CNTNAP2: variants seen among roughly 807,000 people sequenced by gnomAD.
CNTNAP2 encodes contactin associated protein 2, also known as contactin-associated protein-like 2.
Under a neutral mutation model 155.2 loss-of-function variants are expected in CNTNAP2, and 98 were observed. The observed-to-expected ratio is 0.63, with a 90% CI of 0.54 to 0.75. CNTNAP2 has a LOEUF of 0.75. CNTNAP2 is among the 30% of genes least tolerant of loss of function. CNTNAP2 has a pLI of 0.00. For missense variants in CNTNAP2, 1,727 were observed against 1,688.1 expected (o/e 1.02, Z -0.40); for synonymous variants, 651 against 631.2 (o/e 1.03, Z -0.47).
chr7:146,828,739 CA>C (rs1410324653), intron 2 of CNTNAP2, among the ~76,000 whole-genome samples: 2 of 152,076 alleles, frequency 1.3e-5, no homozygotes, highest in Non-Finnish European at 2.9e-5. Context: ...AGTGAGCTTT[CA>C]AATTACAGGT....
chr7:147,456,651 A>G (rs1008939180), intron 10 of CNTNAP2, among the ~76,000 whole-genome samples: 4 of 152,136 alleles, frequency 2.6e-5, no homozygotes, highest in African/African-American at 9.7e-5. Flanking sequence ...TGTTGCTGTG[A>G]AGCAGTACTT....
At chr7:147,407,506 A>G (rs1160042557) in intron 10 of CNTNAP2, among the ~76,000 whole-genome samples, 2 of 131,026 alleles carry the variant, frequency 1.5e-5, no homozygotes, top group Non-Finnish European at 3.3e-5. Flanking sequence ...AAAAAAAAAG[A>G]AATACCATAC....
At chr7:147,275,172 AT>A (rs1044002246) in intron 8 of CNTNAP2, among the ~76,000 whole-genome samples, 12 of 151,432 alleles carry the variant, frequency 7.9e-5, no homozygotes, top group Middle Eastern at 3.4e-3. Context: ...GAAATTTAGA[AT>A]TTTTTTTTCT....
At chr7:147,906,892 T>A (rs553695973) in intron 14 of CNTNAP2, among the ~76,000 whole-genome samples, 1 of 152,178 alleles carries the variant, frequency 6.6e-6, no homozygotes, top group Non-Finnish European at 1.5e-5. Flanking sequence ...CAAGCTTCAA[T>A]TGAGTTCTAA....
intron 3 of CNTNAP2, among the ~76,000 whole-genome samples, chr7:146,924,632 T>C (rs115254576): frequency 0.018 from 2,771 of 152,204 alleles, 73 homozygotes; most frequent in African/African-American, 0.062. Flanking sequence ...AATAGAGTAA[T>C]AGTGAGATAA....
chr7:146,242,332 G>T (rs1799575597), intron 1 of CNTNAP2, among the ~76,000 whole-genome samples: 1 of 152,126 alleles, frequency 6.6e-6, no homozygotes, highest in Non-Finnish European at 1.5e-5. Flanking sequence ...GAGGTCAGGA[G>T]TTCTAGACCA....
At chr7:146,701,877 G>A (rs1279287904) in intron 1 of CNTNAP2, among the ~76,000 whole-genome samples, 1 of 152,074 alleles carries the variant, frequency 6.6e-6, no homozygotes, top group African/African-American at 2.4e-5. Flanking sequence ...AACTTCTGTG[G>A]ACAAAACATA....
At chr7:148,019,544 C>T (rs1226472253) in intron 15 of CNTNAP2, among the ~76,000 whole-genome samples, 3 of 152,134 alleles carry the variant, frequency 2.0e-5, no homozygotes, top group African/African-American at 7.2e-5. Flanking sequence ...AATGCAACCA[C>T]CCCCCAGGTC....
chr7:146,491,493 T>C (rs1584949417), intron 1 of CNTNAP2, among the ~76,000 whole-genome samples: 1 of 152,286 alleles, frequency 6.6e-6, no homozygotes, highest in African/African-American at 2.4e-5. Flanking sequence ...TAGGGCGTTT[T>C]GGAATTATTA....
intron 15 of CNTNAP2, among the ~76,000 whole-genome samples, chr7:147,998,684 C>T (rs1386790600): frequency 6.6e-6 from 1 of 151,800 alleles, no homozygotes; most frequent in Non-Finnish European, 1.5e-5. Flanking sequence ...CGTAAAGAAG[C>T]AAAAGTTTCC....
intron 8 of CNTNAP2, among the ~76,000 whole-genome samples, chr7:147,188,400 A>G (rs960272484): frequency 1.2e-4 from 19 of 152,192 alleles, no homozygotes; most frequent in African/African-American, 4.6e-4. Flanking sequence ...TACACGCATG[A>G]TATTTTGTGG....
At position 147,900,678 on chromosome 7, in the gene CNTNAP2, G is replaced by A. The variant is rs932535286; in HGVS notation, c.2099-2887G>A. 2.0e-5 allele frequency among the ~76,000 whole-genome samples: 3 copies of A among 152,046 alleles called. No individual in the cohort carries two copies. The East Asian group carries it at 5.8e-4, about 29-fold the overall frequency. ...GTCTCCCAAGCTAGGGTACAGTGGT[G>A]CAATCTCTGCTCACTGCAACTTGCA... On this transcript the variant is annotated intron_variant, in intron 13 of 23. Coordinates refer to ENST00000361727, the MANE Select transcript of CNTNAP2 (RefSeq NM_014141.6).
At chr7:147,503,977 A>G (rs1030441318) in intron 11 of CNTNAP2, among the ~76,000 whole-genome samples, 11 of 152,192 alleles carry the variant, frequency 7.2e-5, no homozygotes, top group African/African-American at 2.7e-4. Context: ...TGTAAGGAAG[A>G]TATTTTATTT....
At chr7:147,720,429 G>A (rs772047520) in intron 13 of CNTNAP2, among the ~76,000 whole-genome samples, 22 of 152,108 alleles carry the variant, frequency 1.4e-4, no homozygotes, top group Non-Finnish European at 2.2e-4. Flanking sequence ...GTGGGATCAC[G>A]TTAAACAAAA....
intron 1 of CNTNAP2, among the ~76,000 whole-genome samples, chr7:146,120,986 G>GT (rs891856691): frequency 6.6e-6 from 1 of 151,724 alleles, no homozygotes; most frequent in Non-Finnish European, 1.5e-5. Flanking sequence ...GATGATATAT[G>GT]TTTTTTGTCT....
intron 1 of CNTNAP2, among the ~76,000 whole-genome samples, chr7:146,433,613 G>GA (rs1311645671): frequency 6.6e-6 from 1 of 152,138 alleles, no homozygotes; most frequent in Non-Finnish European, 1.5e-5. Flanking sequence ...CATAGTGGAG[G>GA]AATGTGGAAG....
chr7:147,294,028 G>A (rs1016119263), intron 8 of CNTNAP2, among the ~76,000 whole-genome samples: 2 of 151,960 alleles, frequency 1.3e-5, no homozygotes, highest in African/African-American at 2.4e-5. Flanking sequence ...TTATCATTAC[G>A]AATTATAACA....
At chr7:147,419,388 G>A (rs1173638430) in intron 10 of CNTNAP2, among the ~76,000 whole-genome samples, 3 of 152,130 alleles carry the variant, frequency 2.0e-5, no homozygotes, top group South Asian at 2.1e-4. Context: ...CAACAAAGAT[G>A]AAGATATATG....
intron 1 of CNTNAP2, among the ~76,000 whole-genome samples, chr7:146,539,801 A>G (rs565142344): frequency 8.5e-5 from 13 of 152,208 alleles, no homozygotes; most frequent in African/African-American, 3.1e-4. Context: ...CTTGCTTGAG[A>G]GTAAAATATT....
Sources: allele counts gnomAD v4.1 joint callset (sites outside exome capture counted in the v4.1 genomes callset), GRCh38; gene constraint gnomAD v4.1.1; transcripts MANE v1.5; gene names NCBI Gene and HGNC (gene_info 2026-07-23, HGNC 2026-07-21).